The following ADGRL3 variants were observed in gnomAD, a reference collection of about 807,000 sequenced individuals.
ADGRL3 encodes calcium-independent alpha-latrotoxin receptor 3.
ADGRL3 carries 62 observed loss-of-function variants against 153.5 expected under a neutral mutation model. The ratio of observed to expected loss-of-function variants is 0.40; its 90% CI spans 0.33 to 0.50. The LOEUF is 0.50. ADGRL3 is among the 20% of genes least tolerant of loss of function. The pLI, the probability that ADGRL3 is intolerant of heterozygous loss-of-function variation, is 0.47. For missense variants in ADGRL3, 1,641 were observed against 1,859.4 expected (o/e 0.88, Z 2.16); for synonymous variants, 710 against 672.5 (o/e 1.06, Z -0.86).
chr4:61,748,724 G>T (rs1486034807), intron 8 of ADGRL3, among the ~76,000 whole-genome samples: 90 of 152,264 alleles, frequency 5.9e-4, no homozygotes, highest in African/African-American at 2.0e-3. Context: ...GTGGATTAAA[G>T]ACTTAAATGT....
At chr4:61,416,860 A>C (rs1482872543) in intron 2 of ADGRL3, among the ~76,000 whole-genome samples, 1 of 152,190 alleles carries the variant, frequency 6.6e-6, no homozygotes, top group Non-Finnish European at 1.5e-5. Context: ...CTAATATATA[A>C]TGAAATAATT....
chr4:61,974,773 A>G (rs1410878594), intron 17 of ADGRL3, among the ~76,000 whole-genome samples: 2 of 152,202 alleles, frequency 1.3e-5, no homozygotes, highest in Non-Finnish European at 2.9e-5. Context: ...CTTCATTTTT[A>G]TACTCGTTTG....
At position 62,076,867 on chromosome 4, in the gene ADGRL3, T is replaced by C. The variant is rs936858120; in HGVS notation, c.*5959T>C. On this transcript the variant is annotated 3_prime_UTR_variant, in exon 27 of 27. Coordinates refer to ENST00000683033, the MANE Select transcript of ADGRL3 (RefSeq NM_001387552.1). The stretch of plus-strand genomic sequence containing the variant: ...CTTTGTACCTTTTAAAGCTCTATTA[T>C]GAATCTTTCTAATACATATGAAATT... 1.3e-5 allele frequency: 2 copies of C among 151,862 alleles called. No homozygotes were observed. Among genetic ancestry groups the C allele is most frequent in the Admixed American group, 1.3e-4 (2 of 15,216 alleles). 9.4% of individuals were successfully genotyped at this position (151,862 alleles called of 1,614,324 possible).
At chr4:61,508,549 C>CT (rs1452144637) in intron 3 of ADGRL3, among the ~76,000 whole-genome samples, 2 of 152,062 alleles carry the variant, frequency 1.3e-5, no homozygotes, top group African/African-American at 4.8e-5. Context: ...ATATCTGGAT[C>CT]TTTTTTCCTC....
Position 62,062,415 on chromosome 4 carries a change from A to G in ADGRL3, c.3815-5751A>G, listed in dbSNP as rs1246578684. 2.0e-5 allele frequency among the ~76,000 whole-genome samples: 3 copies of G among 151,996 alleles called. No individual in the cohort carries two copies. In the East Asian group the frequency reaches 5.8e-4, roughly 29 times the overall value. Reference sequence around the variant, plus strand: ...GTTTTACAAATCTGTCTCTCAGCCTATAGCTTGTGTTTTCATCCTCTAATA... The same window carrying G: ...GTTTTACAAATCTGTCTCTCAGCCTGTAGCTTGTGTTTTCATCCTCTAATA... On this transcript the variant is annotated intron_variant, in intron 25 of 26. Coordinates refer to ENST00000683033, the MANE Select transcript of ADGRL3 (RefSeq NM_001387552.1).
At chr4:61,235,037 G>C (rs943141141) in intron 1 of ADGRL3, among the ~76,000 whole-genome samples, 7 of 152,148 alleles carry the variant, frequency 4.6e-5, no homozygotes, top group African/African-American at 1.4e-4. Flanking sequence ...TCCCAGAAGA[G>C]ATGGAAATGA....
intron 1 of ADGRL3, among the ~76,000 whole-genome samples, chr4:61,379,386 AATTAT>A (rs965957364): frequency 6.6e-6 from 1 of 152,034 alleles, no homozygotes; most frequent in African/African-American, 2.4e-5. Context: ...CAAATCATAA[AATTAT>A]ATTAGTAATA....
intron 5 of ADGRL3, among the ~76,000 whole-genome samples, chr4:61,646,811 T>G (rs11937063): frequency 0.14 from 21,254 of 152,148 alleles, 1,962 homozygotes; most frequent in Non-Finnish European, 0.21. Flanking sequence ...CCACCCAGTT[T>G]GAGCTTCCCA....
Position 61,456,480 on chromosome 4 carries a change from TATATATA to T in ADGRL3, c.-173-40640_-173-40634del, listed in dbSNP as rs1440771073. Among the ~76,000 whole-genome samples, 5 of 128,670 alleles carry T rather than the reference TATATATA, an allele frequency of 3.9e-5. 1 individual carries two copies. Among genetic ancestry groups the T allele is most frequent in the African/African-American group, 1.5e-4 (5 of 34,290 alleles). 84.4% of individuals were successfully genotyped at this position (128,670 alleles called of 152,430 possible). Reference sequence around the variant, plus strand: ...ATATATATAGATATATCTATATCTATATATATAGATATATCTATATCTATATATATAT... The same window carrying T: ...ATATATATAGATATATCTATATCTATGATATATCTATATCTATATATATAT... On this transcript the variant is annotated intron_variant, in intron 2 of 26. Coordinates refer to ENST00000683033, the MANE Select transcript of ADGRL3 (RefSeq NM_001387552.1).
At chr4:61,610,309 G>A (rs745472880) in intron 5 of ADGRL3, among the ~76,000 whole-genome samples, 26 of 151,938 alleles carry the variant, frequency 1.7e-4, no homozygotes, top group African/African-American at 5.1e-4. Flanking sequence ...ACTTATGTGC[G>A]TAATGCATTG....
intron 4 of ADGRL3, among the ~76,000 whole-genome samples, chr4:61,552,438 C>G (rs2148827899): frequency 6.6e-6 from 1 of 152,204 alleles, no homozygotes; most frequent in South Asian, 2.1e-4. Flanking sequence ...GGTAACATGT[C>G]ACTTGCCTTT....
intron 5 of ADGRL3, among the ~76,000 whole-genome samples, chr4:61,599,769 A>G (rs2099003447): frequency 6.6e-6 from 1 of 152,148 alleles, no homozygotes; most frequent in Admixed American, 6.5e-5. Flanking sequence ...AATGGGACTG[A>G]GACAAGAGAA....
intron 5 of ADGRL3, among the ~76,000 whole-genome samples, chr4:61,595,697 A>C (rs2098986185): frequency 6.6e-6 from 1 of 152,232 alleles, no homozygotes. Flanking sequence ...ATGCCACCCA[A>C]GTTCACTGGC....
At chr4:61,569,453 G>C (rs1165101060) in intron 4 of ADGRL3, among the ~76,000 whole-genome samples, 2 of 152,082 alleles carry the variant, frequency 1.3e-5, no homozygotes, top group African/African-American at 4.8e-5. Context: ...TCCCAAACCT[G>C]CTGGGTGTGG....
chr4:61,517,374 A>C lies in ADGRL3; in HGVS notation c.115A>C (p.Ser39Arg). ...LAAPLRHAER[S>R]PGGALPPRHL... ...TGCTCCATTGCGACACGCTGAGCGC[A>C]GCCCAGGAGGCGCTCTTCCACCCAG... The change falls in exon 4 of 27, where the codon AGC becomes CGC. Residue 39 changes from serine (S) to arginine (R), a missense_variant. Ser to Arg is a moderately radical substitution (Grantham distance 110). This residue lies in a region of ADGRL3 where 145 missense variants were observed against 79.1 expected (regional missense o/e 1.83). Transcript: ENST00000683033. 1.4e-6 allele frequency: 1 copy of C among 708,408 alleles called. No homozygotes were observed. The highest frequency in any genetic ancestry group is 1.5e-5 in the South Asian group (1 of 67,692). The allele number at this position is 708,408 out of a possible 1,614,324, so 43.9% of individuals were successfully genotyped here. A position where few individuals can be genotyped will look rare whatever the true frequency, so the allele number is the denominator to read the frequency against.
At chr4:61,912,902 C>T (rs1458678199) in intron 13 of ADGRL3, 145 bp downstream of exon 13, 2 of 726,380 alleles carry the variant, frequency 2.8e-6, no homozygotes, top group Non-Finnish European at 4.5e-6. Flanking sequence ...GAACAGAAAG[C>T]ATGAAAGCAT....
At chr4:61,652,258 G>T (rs903933002) in intron 5 of ADGRL3, among the ~76,000 whole-genome samples, 1 of 151,960 alleles carries the variant, frequency 6.6e-6, no homozygotes, top group Non-Finnish European at 1.5e-5. Flanking sequence ...ATTAAAATAG[G>T]ATTTTGTTCA....
chr4:61,578,069 C>T (rs956265153), intron 4 of ADGRL3, among the ~76,000 whole-genome samples: 1 of 152,038 alleles, frequency 6.6e-6, no homozygotes, highest in African/African-American at 2.4e-5. Context: ...AATTAGATTT[C>T]ACTTCACTAA....
chr4:61,544,900 T>A (rs1005213495), intron 4 of ADGRL3, among the ~76,000 whole-genome samples: 2 of 152,252 alleles, frequency 1.3e-5, no homozygotes, highest in Non-Finnish European at 2.9e-5. Flanking sequence ...CTTAATACTT[T>A]CATTAACAAG....
Sources: gnomAD v4.1 joint callset for allele counts (sites outside exome capture counted in the v4.1 genomes callset) on GRCh38, gnomAD v4.1.1 for gene constraint, gnomAD v4.1.1 regional missense constraint, MANE v1.5 for transcripts, NCBI Gene and HGNC (gene_info 2026-07-23, HGNC 2026-07-21) for gene names.